CFAP119: variants seen among roughly 807,000 people sequenced by gnomAD.
CFAP119 encodes the protein cilia and flagella associated protein 119, also known as cilia- and flagella-associated protein 119.
chr16:30,759,562 A>T, the CFAP119 span: 3 of 1,614,122 alleles, frequency 1.9e-6, no homozygotes, highest in Non-Finnish European at 1.7e-6. Context: ...TGGGGTCTTC[A>T]CAAGAAGATA....
chr16:30,757,925 T>C, the CFAP119 span: 2 of 776,058 alleles, frequency 2.6e-6, no homozygotes, highest in South Asian at 5.4e-5. Context: ...TGCCTCAGTT[T>C]CCTTGTATGA....
chr16:30,761,316 T>G, the CFAP119 span: 1 of 1,578,140 alleles, frequency 6.3e-7, no homozygotes, highest in Non-Finnish European at 8.7e-7. Flanking sequence ...CCGCTGTAAC[T>G]TGCCATCTCA....
At chr16:30,757,551 C>T in the CFAP119 span, 1 of 1,614,222 alleles carries the variant, frequency 6.2e-7, no homozygotes, top group Non-Finnish European at 8.5e-7. Flanking sequence ...TGCTGCTGAG[C>T]CTTTCCTCGC....
the CFAP119 span, chr16:30,757,892 AG>A: frequency 8.3e-7 from 1 of 1,201,094 alleles, no homozygotes; most frequent in Non-Finnish European, 1.1e-6. Flanking sequence ...GTGTGACCTT[AG>A]GCAGGTTATT....
chr16:30,761,007 CTT>C, the CFAP119 span: 2 of 653,928 alleles, frequency 3.1e-6, no homozygotes, highest in East Asian at 2.7e-5. Flanking sequence ...GTCTTTGGCT[CTT>C]TTTTTCTCAC....
At chr16:30,760,390 C>A in the CFAP119 span, 5 of 1,614,090 alleles carry the variant, frequency 3.1e-6, no homozygotes, top group African/African-American at 2.7e-5. Flanking sequence ...AGAAGAGGTC[C>A]AGGGTGATGG....
At chr16:30,759,800 T>A in the CFAP119 span, 3 of 1,532,356 alleles carry the variant, frequency 2.0e-6, no homozygotes, top group Non-Finnish European at 2.6e-6. Context: ...CAGCTGTTTA[T>A]GACCATGAGC....
At chr16:30,760,277 C>T in the CFAP119 span, 1 of 1,614,188 alleles carries the variant, frequency 6.2e-7, no homozygotes, top group South Asian at 1.1e-5. Context: ...TAGCTGCCCC[C>T]TCTCACCAAT....
At chr16:30,757,968 G>T in the CFAP119 span, 1 of 410,144 alleles carries the variant, frequency 2.4e-6, no homozygotes, top group Non-Finnish European at 3.9e-6. Flanking sequence ...ACATAGGATT[G>T]AGGGAGGATT....
chr16:30,761,101 A>G, the CFAP119 span: 3 of 1,405,586 alleles, frequency 2.1e-6, no homozygotes, highest in Admixed American at 1.8e-5. Flanking sequence ...CCTCAGTCTC[A>G]TCTGTAAAAT....
the CFAP119 span, chr16:30,761,115 G>A: frequency 2.0e-5 from 30 of 1,493,894 alleles, no homozygotes; most frequent in African/African-American, 2.9e-4. Context: ...GTAAAATGGG[G>A]ATGCCCTGGC....
At chr16:30,761,419 C>T in the CFAP119 span, 3 of 1,425,224 alleles carry the variant, frequency 2.1e-6, no homozygotes, top group East Asian at 2.5e-5. Context: ...GTCACACACC[C>T]CTGCCTCTCC....
At chr16:30,758,717 G>A in the CFAP119 span, 1 of 406,976 alleles carries the variant, frequency 2.5e-6, no homozygotes, top group South Asian at 2.3e-5. Flanking sequence ...CACCATGCCT[G>A]GCTATTTTTT....
At chr16:30,761,044 G>A in the CFAP119 span, 7 of 795,486 alleles carry the variant, frequency 8.8e-6, no homozygotes, top group African/African-American at 1.7e-5. Context: ...GGACTGGAGA[G>A]GCTGGAAAGC....
chr16:30,760,960 A>C, the CFAP119 span: 1 of 612,728 alleles, frequency 1.6e-6, no homozygotes. Context: ...CCTCTGTACA[A>C]TACTCCTTAG....
the CFAP119 span, chr16:30,760,206 C>G: frequency 6.2e-7 from 1 of 1,610,758 alleles, no homozygotes; most frequent in Admixed American, 1.7e-5. Flanking sequence ...TCCCCTGCTT[C>G]TGCTTCCCAT....
At chr16:30,759,964 T>C in the CFAP119 span, 3 of 1,450,700 alleles carry the variant, frequency 2.1e-6, no homozygotes, top group African/African-American at 1.4e-5. Flanking sequence ...TCTAGGGGAA[T>C]AAACCAAGAA....
the CFAP119 span, chr16:30,759,272 T>C: frequency 1.9e-6 from 3 of 1,613,952 alleles, no homozygotes; most frequent in South Asian, 3.3e-5. Context: ...AGAGGGAGGC[T>C]GAAAGGAGTG....
the CFAP119 span, chr16:30,760,771 G>C: frequency 9.6e-7 from 1 of 1,041,898 alleles, no homozygotes; most frequent in East Asian, 2.6e-5. Context: ...GCGTGAAGCT[G>C]GGCTCTTTTG....
Sources: gnomAD v4.1 joint callset for allele counts on GRCh38, gnomAD v4.1.1 for gene constraint, MANE v1.5 for transcripts, NCBI Gene and HGNC (gene_info 2026-07-23, HGNC 2026-07-21) for gene names.